Variants in IL13RA1 observed in about 807,000 individuals in gnomAD.
The protein encoded by IL13RA1 is interleukin-13 receptor subunit alpha-1.
IL13RA1 carries 14 observed loss-of-function variants against 33.8 expected under a neutral mutation model. The ratio of observed to expected loss-of-function variants is 0.41; its 90% CI spans 0.27 to 0.65. IL13RA1 has a LOEUF of 0.65. IL13RA1 is among the 30% of genes least tolerant of loss of function. IL13RA1 has a pLI of 0.28. For synonymous variants in IL13RA1, 116 were observed against 115.7 expected (o/e 1.00, Z -0.02); for missense variants, 313 against 327.0 (o/e 0.96, Z 0.33).
intron 4 of IL13RA1, among the ~76,000 whole-genome samples, chrX:118,752,592 C>G (rs1886736932): frequency 8.9e-6 from 1 of 111,790 alleles, no homozygotes; most frequent in African/African-American, 3.3e-5. Flanking sequence ...GTCATACTAC[C>G]CAGCACATTG....
intron 10 of IL13RA1, among the ~76,000 whole-genome samples, chrX:118,784,107 ATACGTATATATGTATATATATG>A (rs1400743405): frequency 1.2e-4 from 7 of 56,049 alleles, no homozygotes; most frequent in Middle Eastern, 8.6e-3. Context: ...ATATATATAT[ATACGTATATATGTATATATATG>A]TATATATATA....
intron 4 of IL13RA1, among the ~76,000 whole-genome samples, chrX:118,752,141 C>T (rs1603211795): frequency 9.0e-6 from 1 of 110,527 alleles, no homozygotes; most frequent in East Asian, 2.9e-4. Flanking sequence ...CCTGTTGTTT[C>T]TCCTTTACTT....
intron 6 of IL13RA1, among the ~76,000 whole-genome samples, chrX:118,763,271 G>C (rs1256626076): frequency 8.9e-6 from 1 of 112,743 alleles, no homozygotes; most frequent in African/African-American, 3.2e-5. Flanking sequence ...CTACTAAATA[G>C]CAGCTAACCT....
intron 3 of IL13RA1, 113 bp downstream of exon 3, chrX:118,747,205 T>G (rs750091202): frequency 4.3e-5 from 21 of 483,598 alleles, no homozygotes; most frequent in Non-Finnish European, 7.0e-5. Context: ...CTGAGTCTAA[T>G]AAGTGCCAGG....
intron 8 of IL13RA1, among the ~76,000 whole-genome samples, chrX:118,773,024 T>C (rs916286495): frequency 3.6e-5 from 4 of 112,537 alleles, no homozygotes; most frequent in African/African-American, 1.3e-4. Flanking sequence ...ATGGTGATTT[T>C]AGGCTATGAA....
the IL13RA1 span, among the ~76,000 whole-genome samples, chrX:118,800,286 C>T: frequency 9.1e-6 from 1 of 110,200 alleles, no homozygotes. Flanking sequence ...GGGTCCCCTT[C>T]CACTTCTTTC....
chrX:118,749,406 T>C (rs1301749606), intron 3 of IL13RA1, among the ~76,000 whole-genome samples: 2 of 111,893 alleles, frequency 1.8e-5, no homozygotes, highest in Admixed American at 9.5e-5. Context: ...GTTAGGAATA[T>C]TAGTTAGGGT....
chrX:118,785,862 G>A (rs923312568), intron 10 of IL13RA1, among the ~76,000 whole-genome samples: 3 of 111,781 alleles, frequency 2.7e-5, no homozygotes, highest in Non-Finnish European at 5.6e-5. Context: ...GAGCCACTGC[G>A]CCCAGCCTTC....
intron 4 of IL13RA1, among the ~76,000 whole-genome samples, chrX:118,754,952 C>CTT (rs1250580807): frequency 1.5e-4 from 12 of 78,819 alleles, no homozygotes; most frequent in Non-Finnish European, 2.0e-4. Flanking sequence ...TTTTTTTTTT[C>CTT]TTTTTTTTTT....
At position 118,785,633 on chromosome X, in the gene IL13RA1, C is replaced by T. The variant is rs190897527; in HGVS notation, c.1192-6129C>T. On this transcript the variant is annotated intron_variant, in intron 10 of 10. Transcript: ENST00000371666. ...TCGCCCAGGCTGGAGTGCAGTGGTG[C>T]GATCTTGGCTCACTGCAAACTCCGC... Among the ~76,000 whole-genome samples, 67 of 110,936 alleles carry T rather than the reference C, an allele frequency of 6.0e-4. No individual in the cohort carries two copies. In the East Asian group the frequency reaches 0.015, roughly 25 times the overall value.
the IL13RA1 span, among the ~76,000 whole-genome samples, chrX:118,800,373 ACCTGC>A: frequency 9.1e-6 from 1 of 110,353 alleles, no homozygotes; most frequent in Non-Finnish European, 1.9e-5. Context: ...CACTGCGAAG[ACCTGC>A]GGCTTCACTC....
downstream of IL13RA1, among the ~76,000 whole-genome samples, chrX:118,796,432 A>G (rs1391444104): frequency 1.8e-5 from 2 of 112,946 alleles, no homozygotes; most frequent in East Asian, 2.7e-4. Context: ...AGTTACCTAA[A>G]GAAAAAAACA....
chrX:118,749,563 A>G, intron 3 of IL13RA1, 95 bp from the exon 4 acceptor site: 2 of 854,985 alleles, frequency 2.3e-6, no homozygotes, highest in Non-Finnish European at 3.4e-6. Flanking sequence ...ACAAAGCAGC[A>G]TGAAGCACTC....
In IL13RA1 at chrX:118,765,491, C is replaced by T. The variant is rs955717203; in HGVS notation, c.829-1039C>T. ...GATTCACCAATGTTGTTTCTTATAG[C>T]TGTAGATGGCACGTTCTCACTACAT... On this transcript the variant is annotated intron_variant, in intron 6 of 10. Coordinates refer to ENST00000371666, the MANE Select transcript of IL13RA1 (RefSeq NM_001560.3). Among the ~76,000 whole-genome samples the T allele has an allele frequency of 7.2e-5, 8 of 111,777 alleles. No homozygotes were observed. The South Asian group carries it at 3.0e-3, about 42-fold the overall frequency.
At chrX:118,768,240 T>G (rs974481184) in intron 8 of IL13RA1, among the ~76,000 whole-genome samples, 1 of 112,332 alleles carries the variant, frequency 8.9e-6, no homozygotes, top group Non-Finnish European at 1.9e-5. Context: ...CAGGCATGGT[T>G]GTATTCGTTT....
the IL13RA1 span, among the ~76,000 whole-genome samples, chrX:118,802,998 C>T: frequency 2.7e-5 from 3 of 112,095 alleles, no homozygotes; most frequent in Admixed American, 1.9e-4. Flanking sequence ...CAAACCCTTT[C>T]GTTCAGTGGT....
intron 4 of IL13RA1, among the ~76,000 whole-genome samples, chrX:118,750,640 T>C (rs1335306297): frequency 1.8e-5 from 2 of 110,531 alleles, no homozygotes; most frequent in Admixed American, 9.7e-5. Flanking sequence ...TGCCCAAGAG[T>C]GCAATTGCTG....
At chrX:118,794,853 TATGATTAA>T (rs1192375209), downstream of IL13RA1, among the ~76,000 whole-genome samples, 3 of 111,542 alleles carry the variant, frequency 2.7e-5, no homozygotes, top group East Asian at 8.4e-4. Context: ...TGGAATGCAA[TATGATTAA>T]TGATATACAT....
At chrX:118,769,411 C>T (rs1415693571) in intron 8 of IL13RA1, among the ~76,000 whole-genome samples, 2 of 112,642 alleles carry the variant, frequency 1.8e-5, no homozygotes, top group Non-Finnish European at 1.9e-5. Flanking sequence ...GGATGACTTA[C>T]TAAACCTCTC....
Sources: gnomAD v4.1 joint callset for allele counts (sites outside exome capture counted in the v4.1 genomes callset) on GRCh38, gnomAD v4.1.1 for gene constraint, MANE v1.5 for transcripts, NCBI Gene and HGNC (gene_info 2026-07-23, HGNC 2026-07-21) for gene names.